Variants in WDR7 observed in about 807,000 individuals in gnomAD.
WDR7 encodes WD repeat domain 7, also known as WD repeat-containing protein 7.
A neutral mutation model predicts 169.4 loss-of-function variants in WDR7; 46 were observed. That is an observed-to-expected ratio of 0.27 (90% CI 0.21 to 0.35). The LOEUF (loss-of-function observed/expected upper bound fraction) is 0.35, where lower values mean the gene tolerates loss of function less well. Among genes scored for constraint, WDR7 ranks in the 10% least tolerant of loss-of-function variants. The probability of loss-of-function intolerance (pLI) is 1.00; values close to 1 mark genes in which losing one functional copy is unlikely to be tolerated. For missense variants in WDR7, 1,534 were observed against 1,859.3 expected, an observed-to-expected ratio of 0.83 and a Z score of 3.22; for synonymous variants, 612 against 666.8, an observed-to-expected ratio of 0.92 and a Z score of 1.27.
chr18:56,722,530 A>G (rs2026344510), intron 13 of WDR7, among the ~76,000 whole-genome samples: 1 of 152,200 alleles, frequency 6.6e-6, no homozygotes, highest in Non-Finnish European at 1.5e-5. Context: ...GCTATAGGAC[A>G]GGGGAAGACA....
intron 23 of WDR7, among the ~76,000 whole-genome samples, chr18:56,936,980 G>T (rs542057975): frequency 1.9e-4 from 29 of 151,814 alleles, no homozygotes; most frequent in Non-Finnish European, 3.8e-4. Flanking sequence ...ATTAGTCTTG[G>T]AAGGTTTTTT....
chr18:56,677,251 T>A (rs542009426), intron 2 of WDR7, among the ~76,000 whole-genome samples: 1 of 152,336 alleles, frequency 6.6e-6, no homozygotes, highest in South Asian at 2.1e-4. Context: ...TTGCTGGATT[T>A]ACTATTCTTT....
intron 13 of WDR7, among the ~76,000 whole-genome samples, chr18:56,722,347 C>T (rs11872907): frequency 0.037 from 5,639 of 152,104 alleles, 308 homozygotes; most frequent in African/African-American, 0.12. Context: ...AAGTTCAGTC[C>T]TTTGTTATTA....
chr18:56,820,541 A>G lies in WDR7; in HGVS notation c.3304+4397A>G, dbSNP rs571406458. Among the ~76,000 whole-genome samples, 53 of 152,036 alleles carry G rather than the reference A, an allele frequency of 3.5e-4. 1 individual carries two copies. Among genetic ancestry groups the G allele is most frequent in the African/African-American group, 1.1e-3 (46 of 41,476 alleles). Reference sequence around the variant, plus strand: ...TTCAGGAGCAAATATATATCTTCCCATTACTCATTAATAGATGCAGAGAAT... The same window carrying G: ...TTCAGGAGCAAATATATATCTTCCCGTTACTCATTAATAGATGCAGAGAAT... On this transcript the variant is annotated intron_variant, in intron 20 of 27. Coordinates refer to ENST00000254442, the MANE Select transcript of WDR7 (RefSeq NM_015285.3).
intron 26 of WDR7, among the ~76,000 whole-genome samples, chr18:56,971,019 C>T (rs2047476655): frequency 6.6e-6 from 1 of 152,138 alleles, no homozygotes; most frequent in African/African-American, 2.4e-5. Context: ...CACCAGTAAT[C>T]CCAGCACTTT....
At chr18:56,828,110 A>G (rs530300470) in intron 20 of WDR7, among the ~76,000 whole-genome samples, 71 of 152,358 alleles carry the variant, frequency 4.7e-4, no homozygotes, top group Non-Finnish European at 7.1e-4. Flanking sequence ...TAGTTTGACT[A>G]TCCTTTACAA....
intron 21 of WDR7, among the ~76,000 whole-genome samples, chr18:56,894,407 G>A (rs1184441098): frequency 6.6e-6 from 1 of 151,384 alleles, no homozygotes. Flanking sequence ...CTGCTTCTCA[G>A]GCATACTAGT....
chr18:56,844,358 C>G (rs1555698542), intron 20 of WDR7, among the ~76,000 whole-genome samples: 1 of 151,962 alleles, frequency 6.6e-6, no homozygotes, highest in Non-Finnish European at 1.5e-5. Flanking sequence ...GTTCAGTGTC[C>G]TATTATTAGA....
At chr18:56,732,615 T>C (rs1251843828) in intron 14 of WDR7, among the ~76,000 whole-genome samples, 1 of 152,210 alleles carries the variant, frequency 6.6e-6, no homozygotes, top group African/African-American at 2.4e-5. Flanking sequence ...GATCATTATT[T>C]CTTCCCTCAA....
intron 20 of WDR7, among the ~76,000 whole-genome samples, chr18:56,865,043 C>T (rs545714770): frequency 1.2e-4 from 18 of 151,902 alleles, no homozygotes; most frequent in South Asian, 4.2e-4. Context: ...TCTAATCCAG[C>T]GGTAAATATG....
At position 56,651,424 on chromosome 18, in the gene WDR7, G is replaced by A. The variant is rs2024649224; in HGVS notation, c.-172G>A. On this transcript the variant is annotated 5_prime_UTR_variant, in exon 1 of 28. Coordinates refer to ENST00000254442, the MANE Select transcript of WDR7 (RefSeq NM_015285.3). ...CTTGCAGTATCACTGGGGAGACGGC[G>A]GCTGTATAGCGCTTGCCGCCCCACG... The A allele has an allele frequency of 6.5e-6, 1 of 153,256 alleles. No individual in the cohort carries two copies. Among genetic ancestry groups the A allele is most frequent in the Non-Finnish European group, 1.5e-5 (1 of 68,836 alleles). 9.5% of individuals were successfully genotyped at this position (153,256 alleles called of 1,614,324 possible). A position where few individuals can be genotyped will look rare whatever the true frequency, so the allele number is the denominator to read the frequency against.
chr18:56,973,688 C>G (rs1204465776), intron 26 of WDR7, among the ~76,000 whole-genome samples: 1 of 152,116 alleles, frequency 6.6e-6, no homozygotes, highest in Non-Finnish European at 1.5e-5. Flanking sequence ...TATTCTAAAA[C>G]ATATGTAATG....
chr18:56,786,254 G>A (rs1328619972), intron 19 of WDR7, among the ~76,000 whole-genome samples: 4 of 152,078 alleles, frequency 2.6e-5, no homozygotes, highest in African/African-American at 9.7e-5. Flanking sequence ...GTCCTTACCG[G>A]GCGCAGTGGC....
intron 12 of WDR7, among the ~76,000 whole-genome samples, chr18:56,700,252 C>CTTTTCTTTTTTTT (rs2025794518): frequency 3.0e-5 from 2 of 67,250 alleles, no homozygotes; most frequent in African/African-American, 6.1e-5. Flanking sequence ...TTTTCATTTT[C>CTTTTCTTTTTTTT]TTTTTTTTTT....
chr18:56,810,646 T>A (rs1160596860), intron 19 of WDR7, among the ~76,000 whole-genome samples: 1 of 152,188 alleles, frequency 6.6e-6, no homozygotes, highest in Non-Finnish European at 1.5e-5. Context: ...ATAAATGTTC[T>A]ATGTGACTCT....
At chr18:56,785,745 A>G (rs542175179) in intron 19 of WDR7, among the ~76,000 whole-genome samples, 55 of 152,258 alleles carry the variant, frequency 3.6e-4, no homozygotes, top group Admixed American at 1.0e-3. Flanking sequence ...TACATTATGC[A>G]ATAAAAAGCC....
At chr18:56,785,347 A>G (rs764431547) in intron 19 of WDR7, among the ~76,000 whole-genome samples, 1 of 152,238 alleles carries the variant, frequency 6.6e-6, no homozygotes, top group Non-Finnish European at 1.5e-5. Flanking sequence ...TGTTTCTAGC[A>G]TAAGAATCTT....
chr18:56,893,494 A>C (rs10871739), intron 21 of WDR7, among the ~76,000 whole-genome samples: 124,524 of 151,850 alleles, frequency 0.82, 51,479 homozygotes, highest in East Asian at 0.98. Context: ...TTTGTAGACC[A>C]CCTGCCATGT....
rs2044250441 is a variant in WDR7 at position 56,776,872 on chromosome 18, T to C, written c.2939T>C (p.Val980Ala). ...CCTGCTTTACATACCTGTTTCTTAG[T>C]AAATGAAGGTATCTCTCTCAACTTC... is the stretch of plus-strand genomic sequence containing the variant. ...SAPALHTCFLVNEGWSQLAAM... is the reference protein window; with the variant it reads ...SAPALHTCFLANEGWSQLAAM... The change falls in exon 17 of 28, where the codon GTA becomes GCA. Residue 980 changes from valine to alanine, a missense_variant. Physicochemically the swap from Val to Ala is moderately conservative, Grantham distance 64. Transcript: ENST00000254442. The C allele has an allele frequency of 2.5e-6, 4 of 1,612,806 alleles. No homozygotes were observed. Among genetic ancestry groups the C allele is most frequent in the Non-Finnish European group, 2.5e-6 (3 of 1,178,904 alleles).
Sources: gnomAD v4.1 joint callset for allele counts (sites outside exome capture counted in the v4.1 genomes callset) on GRCh38, gnomAD v4.1.1 for gene constraint, MANE v1.5 for transcripts, NCBI Gene and HGNC (gene_info 2026-07-23, HGNC 2026-07-21) for gene names.